The following XRN2 variants were observed in gnomAD, a reference collection of about 807,000 sequenced individuals.
XRN2 encodes 5'-3' exoribonuclease 2.
In XRN2, 44 loss-of-function variants were observed where a neutral mutation model predicts 138.5. That is an observed-to-expected ratio of 0.32 (90% CI 0.25 to 0.41). The LOEUF (loss-of-function observed/expected upper bound fraction) is 0.41, where lower values mean the gene tolerates loss of function less well. XRN2 is among the 10% of genes least tolerant of loss of function. The pLI, the probability that XRN2 is intolerant of heterozygous loss-of-function variation, is 1.00. For missense variants in XRN2, 937 were observed against 1,169.3 expected, an observed-to-expected ratio of 0.80 and a Z score of 2.90; for synonymous variants, 354 against 369.4, an observed-to-expected ratio of 0.96 and a Z score of 0.48.
intron 23 of XRN2, 117 bp from the exon 24 acceptor site, chr20:21,357,619 A>G: frequency 1.5e-6 from 1 of 681,328 alleles, no homozygotes; most frequent in South Asian, 3.3e-5. Context: ...TGTTTTTGTT[A>G]GTGCATTCTA....
At chr20:21,344,674 C>T (rs1027350518) in intron 16 of XRN2, among the ~76,000 whole-genome samples, 21 of 152,104 alleles carry the variant, frequency 1.4e-4, no homozygotes, top group African/African-American at 5.1e-4. Context: ...GTTAAGAGAT[C>T]AATATGTATG....
chr20:21,382,912 CT>C (rs1292637567), intron 28 of XRN2, among the ~76,000 whole-genome samples: 1 of 152,152 alleles, frequency 6.6e-6, no homozygotes, highest in Non-Finnish European at 1.5e-5. Flanking sequence ...CATAATAAGG[CT>C]TTCTTTTTTG....
chr20:21,327,735 T>C (rs2038147438), intron 3 of XRN2, among the ~76,000 whole-genome samples: 1 of 152,200 alleles, frequency 6.6e-6, no homozygotes, highest in African/African-American at 2.4e-5. Context: ...TATATAAATG[T>C]AGATACAGAA....
At chr20:21,314,123 A>G (rs1032163019) in intron 1 of XRN2, among the ~76,000 whole-genome samples, 37 of 152,246 alleles carry the variant, frequency 2.4e-4, no homozygotes, top group African/African-American at 8.9e-4. Flanking sequence ...GCAACCACTA[A>G]TCTACTTTAT....
intron 23 of XRN2, among the ~76,000 whole-genome samples, 180 bp from the exon 24 acceptor site, chr20:21,357,556 A>G (rs1328407762): frequency 6.6e-6 from 1 of 152,110 alleles, no homozygotes; most frequent in East Asian, 1.9e-4. Context: ...ATAGTTAACC[A>G]TTTCATGTAT....
At chr20:21,375,169 G>C (rs1014532511) in intron 27 of XRN2, among the ~76,000 whole-genome samples, 29 of 148,672 alleles carry the variant, frequency 2.0e-4, no homozygotes, top group African/African-American at 7.2e-4. Context: ...CTTGATTAGT[G>C]TTGCTAGAAT....
intron 1 of XRN2, among the ~76,000 whole-genome samples, chr20:21,304,903 A>G (rs779784660): frequency 1.3e-5 from 2 of 152,216 alleles, no homozygotes; most frequent in African/African-American, 2.4e-5. Context: ...GGCTTTGACT[A>G]TACAGATTTA....
At chr20:21,322,304 G>A (rs1233486296) in intron 1 of XRN2, among the ~76,000 whole-genome samples, 1 of 152,146 alleles carries the variant, frequency 6.6e-6, no homozygotes, top group Admixed American at 6.5e-5. Context: ...TCACCCATAA[G>A]TGTTAAAATT....
intron 28 of XRN2, among the ~76,000 whole-genome samples, chr20:21,382,323 T>C (rs62217959): frequency 0.1 from 15,231 of 152,278 alleles, 1,339 homozygotes; most frequent in African/African-American, 0.24. Context: ...GCAACACAGC[T>C]TAAAACTGTA....
At chr20:21,383,481 GCAAA>G in intron 28 of XRN2, among the ~76,000 whole-genome samples, 1 of 152,168 alleles carries the variant, frequency 6.6e-6, no homozygotes, top group South Asian at 2.1e-4. Context: ...TTACATTTTT[GCAAA>G]TGAAGAAAGT....
intron 1 of XRN2, among the ~76,000 whole-genome samples, chr20:21,324,769 G>T (rs2038100934): frequency 6.6e-6 from 1 of 152,112 alleles, no homozygotes; most frequent in Non-Finnish European, 1.5e-5. Context: ...AAGTAGCTGA[G>T]ACTACCCGCA....
At chr20:21,377,292 T>A (rs1272835470) in intron 27 of XRN2, among the ~76,000 whole-genome samples, 2 of 97,604 alleles carry the variant, frequency 2.0e-5, no homozygotes, top group African/African-American at 9.0e-5. Context: ...CAGTCTTGCT[T>A]TGCCACCCAG....
At chr20:21,352,446 A>G (rs976629871) in intron 20 of XRN2, among the ~76,000 whole-genome samples, 1 of 151,832 alleles carries the variant, frequency 6.6e-6, no homozygotes, top group African/African-American at 2.4e-5. Flanking sequence ...CTCCTGCCTC[A>G]GTCTCCTGAG....
intron 27 of XRN2, among the ~76,000 whole-genome samples, chr20:21,377,088 CA>C (rs531591355): frequency 6.6e-6 from 1 of 152,116 alleles, no homozygotes; most frequent in African/African-American, 2.4e-5. Flanking sequence ...TGTCATTTCA[CA>C]AATCATTCCC....
intron 1 of XRN2, among the ~76,000 whole-genome samples, chr20:21,317,706 T>C (rs1360587426): frequency 2.6e-5 from 4 of 152,252 alleles, no homozygotes; most frequent in Non-Finnish European, 5.9e-5. Flanking sequence ...ATAGTTGTTA[T>C]ACTGTACCAT....
At position 21,365,590 on chromosome 20, in the gene XRN2, T is replaced by C. The variant is rs1332815214; in HGVS notation, c.2342T>C (p.Leu781Pro). 1 of 1,613,420 alleles carries C rather than the reference T, an allele frequency of 6.2e-7. No individual in the cohort carries two copies. Among genetic ancestry groups the C allele is most frequent in the Non-Finnish European group, 8.5e-7 (1 of 1,179,910 alleles). The change falls in exon 26 of 30, where the codon CTG becomes CCG. Residue 781 changes from leucine to proline, a missense_variant. By Grantham distance (98) the Leu-to-Pro change is moderately conservative. Transcript: ENST00000377191. ...LPGARKPAAVLKPSDWEKSSN... is the reference protein window; with the variant it reads ...LPGARKPAAVPKPSDWEKSSN... Reference sequence around the variant, plus strand: ...ATGGTCAGAAAGCCAGCAGCAGTACTGAAACCTAGTGACTGGGAAAAATCC... The same window carrying C: ...ATGGTCAGAAAGCCAGCAGCAGTACCGAAACCTAGTGACTGGGAAAAATCC...
chr20:21,308,249 G>A (rs1390056696), intron 1 of XRN2, among the ~76,000 whole-genome samples: 1 of 152,044 alleles, frequency 6.6e-6, no homozygotes, highest in African/African-American at 2.4e-5. Context: ...TATTTATTCA[G>A]ATGATTGATG....
At chr20:21,357,923 C>A in intron 24 of XRN2, 131 bp downstream of exon 24, 1 of 659,830 alleles carries the variant, frequency 1.5e-6, no homozygotes. Flanking sequence ...TGGAGAGTCC[C>A]TGTGTTGCAG....
chr20:21,374,152 TAA>T (rs2038792459), intron 27 of XRN2, among the ~76,000 whole-genome samples: 1 of 152,246 alleles, frequency 6.6e-6, no homozygotes, highest in South Asian at 2.1e-4. Context: ...TATGTAGAAA[TAA>T]AGTTGATTTT....
Sources: allele counts gnomAD v4.1 joint callset (sites outside exome capture counted in the v4.1 genomes callset), GRCh38; gene constraint gnomAD v4.1.1; transcripts MANE v1.5; gene names NCBI Gene and HGNC (gene_info 2026-07-23, HGNC 2026-07-21).